Variants in MYOF observed in about 807,000 individuals in gnomAD.
MYOF encodes fer-1-like 3, myoferlin.
A neutral mutation model predicts 284.2 loss-of-function variants in MYOF; 244 were observed. That is an observed-to-expected ratio of 0.86 (90% CI 0.77 to 0.95). The LOEUF is 0.95. Among genes scored for constraint, MYOF ranks in the 40% least tolerant of loss-of-function variants. The pLI, the probability that MYOF is intolerant of heterozygous loss-of-function variation, is 0.00. For missense variants in MYOF, 2,496 were observed against 2,560.6 expected (o/e 0.97, Z 0.54); for synonymous variants, 904 against 919.7 (o/e 0.98, Z 0.31).
At position 93,461,445 on chromosome 10, in the gene MYOF, TTGCTATC is replaced by T. The variant is rs141061643; in HGVS notation, c.89-4515_89-4509del. ...GGGACTGATAGAGAAAGGACTTCAGTTGCTATCAGAGGGGTATCAATGCACAGAAAAA... is the reference window on the plus strand; with the variant it reads ...GGGACTGATAGAGAAAGGACTTCAGTAGAGGGGTATCAATGCACAGAAAAA... On this transcript the variant is annotated intron_variant, in intron 1 of 53. Coordinates refer to ENST00000359263, the MANE Select transcript of MYOF (RefSeq NM_013451.4). Among the ~76,000 whole-genome samples the T allele has an allele frequency of 7.7e-3, 1,174 of 152,270 alleles. 11 individuals are homozygous for T. Among genetic ancestry groups the T allele is most frequent in the African/African-American group, 0.027 (1,104 of 41,550 alleles).
chr10:93,375,102 C>A (rs190801427), intron 22 of MYOF, 147 bp from the exon 23 acceptor site: 7 of 781,250 alleles, frequency 9.0e-6, no homozygotes, highest in Admixed American at 8.5e-5. Context: ...GCCTGGTTTA[C>A]GCTGGAGTAG....
At chr10:93,450,917 G>T (rs701868) in intron 3 of MYOF, among the ~76,000 whole-genome samples, 59,989 of 152,082 alleles carry the variant, frequency 0.39, 13,442 homozygotes, top group Non-Finnish European at 0.5. Context: ...TGAAATCGAG[G>T]ATACAAAGTA....
chr10:93,377,752 C>T (rs767011219), intron 21 of MYOF, among the ~76,000 whole-genome samples: 6 of 151,732 alleles, frequency 4.0e-5, no homozygotes, highest in Non-Finnish European at 7.4e-5. Flanking sequence ...AATTAGTAGG[C>T]TTATTTTTCA....
intron 1 of MYOF, among the ~76,000 whole-genome samples, chr10:93,457,387 T>A (rs1217698273): frequency 1.3e-5 from 2 of 152,206 alleles, no homozygotes; most frequent in African/African-American, 4.8e-5. Context: ...TGCATCTGAG[T>A]GTGCTAAGAT....
In MYOF at chr10:93,409,554, A is replaced by C; in HGVS notation, c.600+19T>G. Reference sequence around the variant, plus strand: ...ATATAAAGATTAAACAAAGAAGCAGAACGCCAGGCCGTTGCTACCTGGAAG... The same window carrying C: ...ATATAAAGATTAAACAAAGAAGCAGCACGCCAGGCCGTTGCTACCTGGAAG... On this transcript the variant is annotated intron_variant, in intron 6 of 53. Transcript: ENST00000359263. 6.2e-7 allele frequency: 1 copy of C among 1,607,706 alleles called. No individual in the cohort carries two copies. Among genetic ancestry groups the C allele is most frequent in the East Asian group, 2.2e-5 (1 of 44,798 alleles).
chr10:93,337,368 C>A (rs1843664594), intron 40 of MYOF, among the ~76,000 whole-genome samples: 1 of 152,118 alleles, frequency 6.6e-6, no homozygotes, highest in African/African-American at 2.4e-5. Flanking sequence ...TATACATGTT[C>A]TCACGGCTGT....
At chr10:93,437,384 T>G (rs759908691) in intron 3 of MYOF, among the ~76,000 whole-genome samples, 1 of 151,874 alleles carries the variant, frequency 6.6e-6, no homozygotes, top group Non-Finnish European at 1.5e-5. Flanking sequence ...GCCTCTGGAG[T>G]GAGTAAGGGC....
rs1448365523 is a variant in MYOF, at chr10:93,426,159, C to T, written c.346-1G>A. On this transcript the variant is annotated splice_acceptor_variant, in intron 4 of 53. Coordinates refer to ENST00000359263, the MANE Select transcript of MYOF (RefSeq NM_013451.4). LOFTEE classifies it high-confidence loss of function. ...AGCCGATCACCAAGTCAATGGTGGC[C>T]TGGGTAGAAATAATTCGTTGCAAAT... 1.3e-6 allele frequency: 2 copies of T among 1,555,294 alleles called. No homozygotes were observed. The highest frequency in any genetic ancestry group is 2.4e-5 in the East Asian group (1 of 41,476).
At chr10:93,478,764 G>A (rs1589628635) in intron 1 of MYOF, among the ~76,000 whole-genome samples, 1 of 149,364 alleles carries the variant, frequency 6.7e-6, no homozygotes, top group African/African-American at 2.5e-5. Context: ...CCAGGAGTTC[G>A]AGACCATGAT....
chr10:93,323,560 A>G, intron 46 of MYOF: 1 of 567,778 alleles, frequency 1.8e-6, no homozygotes, highest in Non-Finnish European at 3.1e-6. Flanking sequence ...CCCACTTTCC[A>G]TTCTCACTCA....
intron 22 of MYOF, among the ~76,000 whole-genome samples, chr10:93,376,295 G>A (rs1241091812): frequency 6.6e-6 from 1 of 152,180 alleles, no homozygotes; most frequent in Admixed American, 6.5e-5. Flanking sequence ...AAGATATCTG[G>A]AAGCTGTTAG....
intron 43 of MYOF, among the ~76,000 whole-genome samples, chr10:93,331,257 G>A (rs775076241): frequency 1.2e-4 from 18 of 152,088 alleles, no homozygotes; most frequent in African/African-American, 2.2e-4. Context: ...GAGTCTCTGC[G>A]GAGAAGAAAG....
chr10:93,427,560 A>G (rs1848652759), intron 4 of MYOF, among the ~76,000 whole-genome samples: 2 of 151,520 alleles, frequency 1.3e-5, no homozygotes, highest in African/African-American at 4.8e-5. Flanking sequence ...AAAGTGACTA[A>G]CAAAACATGT....
In MYOF at chr10:93,464,482, C is replaced by T. The variant is rs187185724; in HGVS notation, c.89-7545G>A. 9.2e-5 allele frequency among the ~76,000 whole-genome samples: 14 copies of T among 152,312 alleles called. No homozygotes were observed. The East Asian group carries it at 2.7e-3, about 29-fold the overall frequency. On this transcript the variant is annotated intron_variant, in intron 1 of 53. Transcript: ENST00000359263. ...CATTTGAAATGCTTCCAAATACACACCGTCTCACTGATCCTAAAAATCCTG... is the reference window on the plus strand; with the variant it reads ...CATTTGAAATGCTTCCAAATACACATCGTCTCACTGATCCTAAAAATCCTG...
chr10:93,479,274 G>A (rs371084601), intron 1 of MYOF, among the ~76,000 whole-genome samples: 40 of 152,018 alleles, frequency 2.6e-4, no homozygotes, highest in Middle Eastern at 3.4e-3. Flanking sequence ...CTGAGTAGCT[G>A]GGACTACAGG....
intron 38 of MYOF, among the ~76,000 whole-genome samples, chr10:93,340,413 T>C (rs1251416797): frequency 6.6e-6 from 1 of 152,220 alleles, no homozygotes; most frequent in Non-Finnish European, 1.5e-5. Context: ...AGTATTATAA[T>C]GAAAGGCTTG....
chr10:93,351,140 C>T (rs1844484668), intron 35 of MYOF, 57 bp downstream of exon 35: 6 of 1,535,812 alleles, frequency 3.9e-6, no homozygotes, highest in Non-Finnish European at 5.4e-6. Context: ...ACAAAAGATT[C>T]CTGTCCTGCA....
At chr10:93,333,646 T>A (rs1843450095) in intron 42 of MYOF, 112 bp downstream of exon 42, 9 of 1,375,380 alleles carry the variant, frequency 6.5e-6, no homozygotes, top group African/African-American at 1.4e-5. Flanking sequence ...TGATGGAGTA[T>A]CTTTCCCCTA....
chr10:93,379,576 C>A (rs1211331100), intron 21 of MYOF, among the ~76,000 whole-genome samples: 2 of 152,184 alleles, frequency 1.3e-5, no homozygotes, highest in East Asian at 3.9e-4. Flanking sequence ...TACCAGCCCT[C>A]CCCTCAGGCT....
Sources: gnomAD v4.1 joint callset for allele counts (sites outside exome capture counted in the v4.1 genomes callset) on GRCh38, gnomAD v4.1.1 for gene constraint, MANE v1.5 for transcripts, NCBI Gene and HGNC (gene_info 2026-07-23, HGNC 2026-07-21) for gene names.